Variants in TENM4 observed in about 807,000 individuals in gnomAD.
TENM4 encodes the protein teneurin-4.
In TENM4, 82 loss-of-function variants were observed where a neutral mutation model predicts 243.3. That is an observed-to-expected ratio of 0.34 (90% CI 0.28 to 0.40). The LOEUF is 0.40. TENM4 is among the 10% of genes least tolerant of loss of function. The pLI, the probability that TENM4 is intolerant of heterozygous loss-of-function variation, is 1.00. For synonymous variants in TENM4, 1,412 were observed against 1,456.3 expected (o/e 0.97, Z 0.69); for missense variants, 3,138 against 3,673.3 (o/e 0.85, Z 3.77).
At chr11:79,372,848 G>C (rs1857814149) in intron 1 of TENM4, among the ~76,000 whole-genome samples, 2 of 152,196 alleles carry the variant, frequency 1.3e-5, no homozygotes, top group South Asian at 4.1e-4. Flanking sequence ...TGGATGGCAA[G>C]CCTTGGCATT....
At chr11:79,034,300 T>C (rs2136869295) in intron 6 of TENM4, among the ~76,000 whole-genome samples, 1 of 152,320 alleles carries the variant, frequency 6.6e-6, no homozygotes. Flanking sequence ...TGCATGTCAG[T>C]TTCTGAGTTC....
intron 6 of TENM4, among the ~76,000 whole-genome samples, chr11:79,016,634 T>G (rs1000291710): frequency 1.3e-5 from 2 of 152,162 alleles, no homozygotes; most frequent in Non-Finnish European, 2.9e-5. Flanking sequence ...GAGATTATCT[T>G]GAAAGTCAAG....
chr11:78,657,646 A>C lies in TENM4; in HGVS notation c.*412T>G. ...TTTACTCCTGCCCGACCCCAGTCGA[A>C]GAAGAAAGGGTTGCACATGAGACAA... On this transcript the variant is annotated 3_prime_UTR_variant, in exon 34 of 34. Coordinates refer to ENST00000278550, the MANE Select transcript of TENM4 (RefSeq NM_001098816.3). 2.8e-6 allele frequency: 1 copy of C among 355,096 alleles called. No individual in the cohort carries two copies. The highest frequency in any genetic ancestry group is 2.7e-5 in the South Asian group (1 of 37,626). 22.0% of individuals were successfully genotyped at this position (355,096 alleles called of 1,614,324 possible). A position where few individuals can be genotyped will look rare whatever the true frequency, so the allele number is the denominator to read the frequency against.
At position 78,902,554 on chromosome 11, in the gene TENM4, G is replaced by C. The variant is rs556435417; in HGVS notation, c.749+714C>G. Among the ~76,000 whole-genome samples, 10 of 152,322 alleles carry C rather than the reference G, an allele frequency of 6.6e-5. No homozygotes were observed. The South Asian group carries it at 2.1e-3, about 32-fold the overall frequency. On this transcript the variant is annotated intron_variant, in intron 7 of 33. Coordinates refer to ENST00000278550, the MANE Select transcript of TENM4 (RefSeq NM_001098816.3). Reference sequence around the variant, plus strand: ...TTCAAGTTTCAGCTGTGCCTCAGTCGCCTGTGTGAAGTGAGCTAGTGATGG... The same window carrying C: ...TTCAAGTTTCAGCTGTGCCTCAGTCCCCTGTGTGAAGTGAGCTAGTGATGG...
intron 2 of TENM4, among the ~76,000 whole-genome samples, chr11:79,235,098 G>A (rs959971261): frequency 6.6e-6 from 1 of 152,110 alleles, no homozygotes; most frequent in African/African-American, 2.4e-5. Flanking sequence ...TGGATCATGA[G>A]GTCAGGAGAT....
Position 79,320,089 on chromosome 11 carries a change from C to A in TENM4, c.-320-22546G>T, listed in dbSNP as rs549793632. The stretch of plus-strand genomic sequence containing the variant: ...GAGCATGGAGAGCCCAGAGCGCATA[C>A]GCAAGGCACAGTTCATGGGTTCCCC... On this transcript the variant is annotated intron_variant, in intron 1 of 33. Transcript: ENST00000278550. Among the ~76,000 whole-genome samples the A allele has an allele frequency of 5.3e-5, 8 of 152,176 alleles. No homozygotes were observed. In the South Asian group the frequency reaches 1.7e-3, roughly 31 times the overall value.
intron 2 of TENM4, among the ~76,000 whole-genome samples, chr11:79,228,546 C>T (rs1190901774): frequency 3.9e-5 from 6 of 152,074 alleles, no homozygotes; most frequent in African/African-American, 1.2e-4. Context: ...CTCACGTGCC[C>T]ACCCACGCAG....
intron 6 of TENM4, among the ~76,000 whole-genome samples, chr11:78,998,796 A>G (rs1460754870): frequency 1.3e-5 from 2 of 152,206 alleles, no homozygotes; most frequent in African/African-American, 4.8e-5. Context: ...TGGTTCTGGT[A>G]GCATGAGGTC....
At chr11:79,126,372 C>T (rs1861876318) in intron 4 of TENM4, among the ~76,000 whole-genome samples, 5 of 152,184 alleles carry the variant, frequency 3.3e-5, no homozygotes, top group African/African-American at 1.2e-4. Flanking sequence ...CTCTGTATGT[C>T]AGATCTAACA....
At chr11:79,276,078 C>T (rs371255954) in intron 2 of TENM4, among the ~76,000 whole-genome samples, 96 of 152,114 alleles carry the variant, frequency 6.3e-4, no homozygotes, top group Non-Finnish European at 1.1e-3. Flanking sequence ...ATCTCACCCA[C>T]CCTCCTCATT....
At chr11:79,041,191 G>A (rs1178287757) in intron 6 of TENM4, among the ~76,000 whole-genome samples, 1 of 152,050 alleles carries the variant, frequency 6.6e-6, no homozygotes, top group African/African-American at 2.4e-5. Flanking sequence ...AGCCTCCTGA[G>A]TAGCTGGGAC....
rs1016013641 is a variant in TENM4, at chr11:79,280,874, A to G, written c.-265+16614T>C. 2.0e-5 allele frequency among the ~76,000 whole-genome samples: 3 copies of G among 152,194 alleles called. 1 individual carries two copies. Among genetic ancestry groups the G allele is most frequent in the Admixed American group, 2.0e-4 (3 of 15,284 alleles). On this transcript the variant is annotated intron_variant, in intron 2 of 33. Coordinates refer to ENST00000278550, the MANE Select transcript of TENM4 (RefSeq NM_001098816.3). ...CTGCTCCCTTAGGGAAGCCCAAACT[A>G]ATTAATACCTGGTTGGCCCACTCGG...
At chr11:79,300,538 C>T (rs560784052) in intron 1 of TENM4, among the ~76,000 whole-genome samples, 3 of 152,262 alleles carry the variant, frequency 2.0e-5, no homozygotes, top group East Asian at 1.9e-4. Context: ...TGCTCCTCAC[C>T]CGAGTGTATC....
intron 19 of TENM4, among the ~76,000 whole-genome samples, chr11:78,742,715 G>A (rs1213870701): frequency 6.6e-6 from 1 of 152,198 alleles, no homozygotes; most frequent in Non-Finnish European, 1.5e-5. Context: ...TGCCCTTGCC[G>A]ACGCCAACAA....
At chr11:78,980,443 C>G (rs1327647715) in intron 6 of TENM4, among the ~76,000 whole-genome samples, 1 of 152,188 alleles carries the variant, frequency 6.6e-6, no homozygotes, top group Non-Finnish European at 1.5e-5. Flanking sequence ...CTAATGACTT[C>G]TCTGTGAGGC....
intron 1 of TENM4, among the ~76,000 whole-genome samples, chr11:79,312,527 TAGAG>T (rs1489892091): frequency 1.3e-5 from 2 of 152,134 alleles, no homozygotes; most frequent in Non-Finnish European, 2.9e-5. Context: ...AGTCAAGTCA[TAGAG>T]AGGTCAGGTG....
chr11:79,118,352 A>T (rs1248957782), intron 4 of TENM4, among the ~76,000 whole-genome samples: 1 of 152,226 alleles, frequency 6.6e-6, no homozygotes, highest in Non-Finnish European at 1.5e-5. Flanking sequence ...ATTACTCTGG[A>T]AAGAAGATAT....
intron 2 of TENM4, among the ~76,000 whole-genome samples, chr11:79,248,553 C>T (rs1000219158): frequency 3.2e-4 from 48 of 152,106 alleles, no homozygotes; most frequent in African/African-American, 9.7e-4. Flanking sequence ...CACATCTTCC[C>T]AAGGATTCAA....
At chr11:79,190,694 A>G (rs1486540124) in intron 3 of TENM4, among the ~76,000 whole-genome samples, 2 of 152,192 alleles carry the variant, frequency 1.3e-5, no homozygotes, top group African/African-American at 4.8e-5. Context: ...TAGGTGATGC[A>G]AGTCAAGAAA....
Sources: allele counts gnomAD v4.1 joint callset (sites outside exome capture counted in the v4.1 genomes callset), GRCh38; gene constraint gnomAD v4.1.1; transcripts MANE v1.5; gene names NCBI Gene and HGNC (gene_info 2026-07-23, HGNC 2026-07-21).